The following KMT2D variants were observed in gnomAD, a reference collection of about 807,000 sequenced individuals.
KMT2D encodes lysine methyltransferase 2D, also known as histone-lysine N-methyltransferase 2D.
In KMT2D, 55 loss-of-function variants were observed where a neutral mutation model predicts 512.7. The ratio of observed to expected loss-of-function variants is 0.11; its 90% CI spans 0.09 to 0.13. The LOEUF (loss-of-function observed/expected upper bound fraction) is 0.13. Among genes scored for constraint, KMT2D ranks in the 10% least tolerant of loss-of-function variants. KMT2D has a pLI of 1.00. For synonymous variants in KMT2D, 2,995 were observed against 2,904.0 expected, an observed-to-expected ratio of 1.03 and a Z score of -1.01; for missense variants, 6,061 against 7,127.9, an observed-to-expected ratio of 0.85 and a Z score of 5.39.
In KMT2D at chr12:49,030,747, T is replaced by C. The variant is rs2120407747; in HGVS notation, c.13693A>G (p.Thr4565Ala). 2 of 1,613,622 alleles carry C rather than the reference T, an allele frequency of 1.2e-6. No individual in the cohort carries two copies. Among genetic ancestry groups the C allele is most frequent in the Non-Finnish European group, 1.7e-6 (2 of 1,179,864 alleles). Reference protein sequence around the residue: ...LKQELSLLPLTEPAITANFSL... With the variant: ...LKQELSLLPLAEPAITANFSL... ...AAATTGGCGGTGATAGCAGGCTCCGTTAGGGGCAGCAGGGACAGCTCCTAC... is the reference window on the plus strand; with the variant it reads ...AAATTGGCGGTGATAGCAGGCTCCGCTAGGGGCAGCAGGGACAGCTCCTAC... Residue 4565 changes from threonine (T) to alanine (A), a missense_variant, in exon 42 of 55, where the codon ACG becomes GCG. This residue lies in a region of KMT2D where 1,600 missense variants were observed against 1,754.9 expected (regional missense o/e 0.91). Transcript: ENST00000301067.
rs557710880 is a variant in KMT2D at position 49,028,028 on chromosome 12, C to A, written c.14496G>T (p.Lys4832Asn). 235 of 1,613,376 alleles carry A rather than the reference C, an allele frequency of 1.5e-4. No individual in the cohort carries two copies. The highest frequency in any genetic ancestry group is 1.9e-4 in the Non-Finnish European group (222 of 1,179,626). Residue 4832 changes from lysine (K) to asparagine (N), a missense_variant, in exon 47 of 55, where the codon AAG (lysine) becomes AAT (asparagine). Lys to Asn is a moderately conservative substitution (Grantham distance 94). This residue lies in a region of KMT2D where 1,600 missense variants were observed against 1,754.9 expected (regional missense o/e 0.91). Transcript: ENST00000301067. Reference protein sequence around the residue: ...SPARAGTEPKKGEAEGPGGKE... With the variant: ...SPARAGTEPKNGEAEGPGGKE... ...ACTCACCAGGACCCTCAGCTTCCCC[C>A]TTCTTTGGCTCAGTGCCTGCCCGGG... is the stretch of plus-strand genomic sequence containing the variant.
chr12:49,041,150 G>A lies in KMT2D; in HGVS notation c.6620C>T (p.Ala2207Val), dbSNP rs747613578. 230 of 1,523,180 alleles carry A rather than the reference G, an allele frequency of 1.5e-4. No individual in the cohort carries two copies. The highest frequency in any genetic ancestry group is 1.9e-4 in the Non-Finnish European group (217 of 1,139,160). 94.4% of individuals were successfully genotyped at this position (1,523,180 alleles called of 1,614,324 possible). A position where few individuals can be genotyped will look rare whatever the true frequency, so the allele number is the denominator to read the frequency against. ...PPYPSPTGAP[A>V]QPPMLGASSR... ...TGAGGCGCCCAGCATCGGGGGCTGCGCAGGGGCCCCCGTAGGACTAGGATA... is the reference window on the plus strand; with the variant it reads ...TGAGGCGCCCAGCATCGGGGGCTGCACAGGGGCCCCCGTAGGACTAGGATA... Residue 2207 changes from alanine to valine, a missense_variant, in exon 32 of 55, where the codon GCG becomes GTG. Coordinates refer to ENST00000301067, the MANE Select transcript of KMT2D (RefSeq NM_003482.4). The surrounding 1 kb of genome is among the most constrained non-coding windows in gnomAD (Gnocchi z 5.4).
At position 49,052,683 on chromosome 12, in the gene KMT2D, G is replaced by T; in HGVS notation, c.1139C>A (p.Thr380Asn). Residue 380 changes from threonine to asparagine, a missense_variant, in exon 10 of 55, where the codon ACC (threonine) becomes AAC (asparagine). This residue lies in a region of KMT2D where 848 missense variants were observed against 838.5 expected (regional missense o/e 1.01). Transcript: ENST00000301067. ...CAGAGCATCGGGCTCGTCAGTGGGGGTATCGCCAGGCTCTGGGGGTGAAAA... is the reference window on the plus strand; with the variant it reads ...CAGAGCATCGGGCTCGTCAGTGGGGTTATCGCCAGGCTCTGGGGGTGAAAA... ...SRFSPPEPGDTPTDEPDALYV... is the reference protein window; with the variant it reads ...SRFSPPEPGDNPTDEPDALYV... The T allele has an allele frequency of 6.2e-7, 1 of 1,613,750 alleles. No individual in the cohort carries two copies. Among genetic ancestry groups the T allele is most frequent in the Non-Finnish European group, 8.5e-7 (1 of 1,179,750 alleles).
rs2120587329 is a variant in KMT2D, at chr12:49,044,763, A to C, written c.4944T>G (p.Asp1648Glu). 1 of 1,613,784 alleles carries C rather than the reference A, an allele frequency of 6.2e-7. No individual in the cohort carries two copies. The highest frequency in any genetic ancestry group is 8.5e-7 in the Non-Finnish European group (1 of 1,179,728). ...DDKKDGDLDT[D>E]ELLKGEGGVE... ...GCTAACCTTCACCCTTGAGCAGCTC[A>C]TCGGTGTCCAGGTCCCCATCCTTCT... The change falls in exon 20 of 55, where the codon GAT (aspartate) becomes GAG (glutamate). Residue 1648 changes from aspartate (D) to glutamate (E), a missense_variant. Transcript: ENST00000301067. This position sits in a 1 kb window ranked among gnomAD's most constrained non-coding sequence, Gnocchi z 6.4.
Position 49,033,473 on chromosome 12 carries a change from CTGCTGCTGT to C in KMT2D, c.11223_11231del (p.Gln3743_Gln3745del). On this transcript the variant is annotated inframe_deletion, in exon 40 of 55. Coordinates refer to ENST00000301067, the MANE Select transcript of KMT2D (RefSeq NM_003482.4). ...TTGCCACCTGTCCTAGAAGGTGCTG[CTGCTGCTGT>C]TGCTGCTGCTGCTGCTGCTGCAGTT... 2 of 1,610,758 alleles carry C rather than the reference CTGCTGCTGT, an allele frequency of 1.2e-6. No individual in the cohort carries two copies. Among genetic ancestry groups the C allele is most frequent in the Non-Finnish European group, 1.7e-6 (2 of 1,178,514 alleles).
rs750788651 is a variant in KMT2D at position 49,038,453 on chromosome 12, G to C, written c.8903C>G (p.Pro2968Arg). ...PTGLELVNRP[P>R]SSTELGRPNP... ...GGGGCGGCCAAGCTCAGTGCTCGAC[G>C]GGGGCCGGTTGACCAGCTCCAAACC... The change falls in exon 35 of 55, where the codon CCG becomes CGG. Residue 2968 changes from proline (P) to arginine (R), a missense_variant. Physicochemically the swap from Pro to Arg is moderately radical, Grantham distance 103 (BLOSUM62 -2). Coordinates refer to ENST00000301067, the MANE Select transcript of KMT2D (RefSeq NM_003482.4). This position sits in a 1 kb window ranked among gnomAD's most constrained non-coding sequence, Gnocchi z 5.7. 6.2e-7 allele frequency: 1 copy of C among 1,609,570 alleles called. No individual in the cohort carries two copies. The highest frequency in any genetic ancestry group is 8.5e-7 in the Non-Finnish European group (1 of 1,176,850).
Position 49,037,407 on chromosome 12 carries a change from G to C in KMT2D, c.9949C>G (p.Leu3317Val). Residue 3317 changes from leucine (L) to valine (V), a missense_variant, in exon 35 of 55, where the codon CTT becomes GTT. This residue lies in a region of KMT2D where 533 missense variants were observed against 539.6 expected (regional missense o/e 0.99). Transcript: ENST00000301067. ...AAACCTGGCTGTCGGGCACCTGCAA[G>C]ACCCAGGGAAAGCTGCTGTTGGGAC... ...AGSQQQLSLG[L>V]AGARQPGLPQ... 6 of 1,604,564 alleles carry C rather than the reference G, an allele frequency of 3.7e-6. No individual in the cohort carries two copies. Among genetic ancestry groups the C allele is most frequent in the Non-Finnish European group, 5.1e-6 (6 of 1,175,954 alleles).
rs2120641391 is a variant in KMT2D at position 49,049,837 on chromosome 12, C to A, written c.3751G>T (p.Ala1251Ser). The A allele has an allele frequency of 6.2e-7, 1 of 1,613,976 alleles. No individual in the cohort carries two copies. Among genetic ancestry groups the A allele is most frequent in the Admixed American group, 1.7e-5 (1 of 60,020 alleles). ...AGCCGTAGGGAGCCCTCATCTCGGG[C>A]TGGACTAACATCCGTAGAGACCCCC... ...ELGVSTDVSP[A>S]RDEGSLRLCT... Residue 1251 changes from alanine to serine, a missense_variant, in exon 12 of 55, where the codon GCC becomes TCC. Ala to Ser is a moderately conservative substitution (Grantham distance 99, BLOSUM62 1). Transcript: ENST00000301067.
intron 35 of KMT2D, among the ~76,000 whole-genome samples, chr12:49,035,215 T>C (rs1943166321): frequency 6.6e-6 from 1 of 152,222 alleles, no homozygotes; most frequent in Non-Finnish European, 1.5e-5. Flanking sequence ...TTTTATTTGA[T>C]ACAGATGATG....
rs2120517669 is a variant in KMT2D, at chr12:49,039,832, T to C, written c.7938A>G (p.Glu2646=). The change falls in exon 32 of 55, where the codon GAA becomes GAG. Residue 2646 remains glutamate (E), a synonymous_variant. Transcript: ENST00000301067. The surrounding 1 kb of genome is among the most constrained non-coding windows in gnomAD (Gnocchi z 5.0). The part of the protein sequence containing the change: ...SGITSPVEKR[E]DPGTGMGSSL... ...AGCTACCCATTCCAGTCCCTGGGTCTTCTCGCTTTTCGACAGGAGAGGTGA... is the reference window on the plus strand; with the variant it reads ...AGCTACCCATTCCAGTCCCTGGGTCCTCTCGCTTTTCGACAGGAGAGGTGA... 2 of 1,614,052 alleles carry C rather than the reference T, an allele frequency of 1.2e-6. No individual in the cohort carries two copies. The highest frequency in any genetic ancestry group is 1.1e-5 in the South Asian group (1 of 91,084).
chr12:49,044,579 T>C lies in KMT2D; in HGVS notation c.4964-57A>G. ...ATCAGAACTATAGGCCCTTTTAACC[T>C]TGTCATCCTGCCACTGAGAGAGCTG... is the stretch of plus-strand genomic sequence containing the variant. On this transcript the variant is annotated intron_variant, in intron 20 of 54. Transcript: ENST00000301067. The surrounding 1 kb of genome is among the most constrained non-coding windows in gnomAD (Gnocchi z 6.4). 2 of 1,594,680 alleles carry C rather than the reference T, an allele frequency of 1.3e-6. No homozygotes were observed. Among genetic ancestry groups the C allele is most frequent in the South Asian group, 2.3e-5 (2 of 88,870 alleles).
At chr12:49,028,399 A>C (rs768634288) in intron 46 of KMT2D, among the ~76,000 whole-genome samples, 1 of 152,240 alleles carries the variant, frequency 6.6e-6, no homozygotes, top group Non-Finnish European at 1.5e-5. Flanking sequence ...CATGACTTGG[A>C]GGCTCATGAT....
rs1323080568 is a variant in KMT2D, at chr12:49,044,022, G to C, written c.5189-24C>G. The C allele has an allele frequency of 1.9e-6, 3 of 1,612,938 alleles. No individual in the cohort carries two copies. The highest frequency in any genetic ancestry group is 1.7e-6 in the Non-Finnish European group (2 of 1,179,186). ...CACTGTGGACAGAACGGAAGTGTCA[G>C]ACTCGGGTTGAGAGCATGCTGCTCC... On this transcript the variant is annotated intron_variant, in intron 22 of 54. Coordinates refer to ENST00000301067, the MANE Select transcript of KMT2D (RefSeq NM_003482.4). This position sits in a 1 kb window ranked among gnomAD's most constrained non-coding sequence, Gnocchi z 6.4.
At chr12:49,053,396 C>A (rs2120695612) in intron 7 of KMT2D, 75 bp from the exon 8 acceptor site, 2 of 1,605,884 alleles carry the variant, frequency 1.2e-6, no homozygotes, top group Non-Finnish European at 1.7e-6. Context: ...TTCATGTTAA[C>A]AGGCCTTCTC....
At chr12:49,028,654 G>A (rs1942734503) in intron 46 of KMT2D, among the ~76,000 whole-genome samples, 174 bp downstream of exon 46, 1 of 152,116 alleles carries the variant, frequency 6.6e-6, no homozygotes, top group African/African-American at 2.4e-5. Flanking sequence ...GCCCCGTGAG[G>A]GCAGGAACCA....
In KMT2D at chr12:49,054,810, T is replaced by A; in HGVS notation, c.177-59A>T. The A allele has an allele frequency of 3.1e-6, 5 of 1,605,450 alleles. No homozygotes were observed. The highest frequency in any genetic ancestry group is 3.4e-6 in the Non-Finnish European group (4 of 1,173,098). On this transcript the variant is annotated intron_variant, in intron 3 of 54. Coordinates refer to ENST00000301067, the MANE Select transcript of KMT2D (RefSeq NM_003482.4). The surrounding 1 kb of genome is among the most constrained non-coding windows in gnomAD (Gnocchi z 6.4). ...CCCCCAGCAACCCCATGATCTGGCA[T>A]GCCCATGCTTCCCCAACACTCATTT...
intron 35 of KMT2D, among the ~76,000 whole-genome samples, chr12:49,035,346 C>T (rs1433615969): frequency 2.0e-5 from 3 of 152,180 alleles, no homozygotes; most frequent in Non-Finnish European, 4.4e-5. Flanking sequence ...ACTAGCACAG[C>T]CCAAGCACCC....
At position 49,048,754 on chromosome 12, in the gene KMT2D, T is replaced by A. The variant is rs1937714068; in HGVS notation, c.4036A>T (p.Ser1346Cys). Residue 1346 changes from serine to cysteine, a missense_variant, in exon 14 of 55, where the codon AGC becomes TGC. Transcript: ENST00000301067. Reference sequence around the variant, plus strand: ...TCCTCCTCCTCCTTACTGGGAGAGCTATCAATGTCAGCAACCTGATGGGCA... The same window carrying A: ...TCCTCCTCCTCCTTACTGGGAGAGCAATCAATGTCAGCAACCTGATGGGCA... ...IETLVVADID[S>C]SPSKEEEEED... The A allele has an allele frequency of 1.2e-6, 2 of 1,606,412 alleles. No homozygotes were observed. The highest frequency in any genetic ancestry group is 2.7e-5 in the African/African-American group (2 of 74,858).
Position 49,053,102 on chromosome 12 carries a change from T to C in KMT2D, c.955-30A>G, listed in dbSNP as rs199891692. 20 of 1,613,766 alleles carry C rather than the reference T, an allele frequency of 1.2e-5. 1 individual carries two copies. Among genetic ancestry groups the C allele is most frequent in the Admixed American group, 6.7e-5 (4 of 60,012 alleles). On this transcript the variant is annotated intron_variant, in intron 8 of 54. Coordinates refer to ENST00000301067, the MANE Select transcript of KMT2D (RefSeq NM_003482.4). ...GGGAAGGGAGTGGGCAAAACAGGCA[T>C]TGGTCAGACAGCAAAGACTAAACGA...
Sources: gnomAD v4.1 joint callset for allele counts (sites outside exome capture counted in the v4.1 genomes callset) on GRCh38, gnomAD v4.1.1 for gene constraint, gnomAD v4.1.1 regional missense constraint, Gnocchi (gnomAD v3.1) non-coding constraint, MANE v1.5 for transcripts, NCBI Gene and HGNC (gene_info 2026-07-23, HGNC 2026-07-21) for gene names.